SCN3A: variants seen among roughly 807,000 people sequenced by gnomAD.
The protein encoded by SCN3A is sodium voltage-gated channel alpha subunit 3, also known as sodium channel protein type 3 subunit alpha.
Under a neutral mutation model 187.6 loss-of-function variants are expected in SCN3A, and 60 were observed. The observed-to-expected ratio is 0.32, with a 90% CI of 0.26 to 0.40. The LOEUF is 0.40. Among genes scored for constraint, SCN3A ranks in the 10% least tolerant of loss-of-function variants. SCN3A has a pLI of 1.00. For missense variants in SCN3A, 1,601 were observed against 2,428.2 expected (o/e 0.66, Z 7.16); for synonymous variants, 788 against 829.2 (o/e 0.95, Z 0.85).
chr2:165,178,881 A>C (rs1690649328), intron 2 of SCN3A, among the ~76,000 whole-genome samples: 1 of 152,232 alleles, frequency 6.6e-6, no homozygotes, highest in South Asian at 2.1e-4. Context: ...TCTTATGTCA[A>C]TTTTGATGAT....
chr2:165,162,696 T>G lies in SCN3A; in HGVS notation c.827A>C (p.Lys276Thr). Reference sequence around the variant, plus strand: ...ATCGCTTGGGGGCCACTGCAAACATTTATTCCTCAGATTGCCCATGAACAG... The same window carrying G: ...ATCGCTTGGGGGCCACTGCAAACATGTATTCCTCAGATTGCCCATGAACAG... ...LQLFMGNLRNKCLQWPPSDSA... is the reference protein window; with the variant it reads ...LQLFMGNLRNTCLQWPPSDSA... The change falls in exon 8 of 28, where the codon AAA (lysine) becomes ACA (threonine). Residue 276 changes from lysine (K) to threonine (T), a missense_variant. Around this residue, in one of 11 missense-constraint regions of SCN3A, gnomAD observed 104 missense variants for 102.7 expected, o/e 1.01. Coordinates refer to ENST00000283254, the MANE Select transcript of SCN3A (RefSeq NM_006922.4). 6.2e-7 allele frequency: 1 copy of G among 1,614,152 alleles called. No homozygotes were observed. Among genetic ancestry groups the G allele is most frequent in the Non-Finnish European group, 8.5e-7 (1 of 1,180,004 alleles).
chr2:165,092,591 G>A lies in SCN3A; in HGVS notation c.4537-67C>T, dbSNP rs1290561098. On this transcript the variant is annotated intron_variant, in intron 26 of 27. Transcript: ENST00000283254. The surrounding 1 kb of genome is among the most constrained non-coding windows in gnomAD (Gnocchi z 4.2). ...TCATAAAGAATAATGCAGTAAAATT[G>A]TAGATAAAGCCCTTCCACATACGGG... 2.0e-6 allele frequency: 3 copies of A among 1,467,044 alleles called. No individual in the cohort carries two copies. Among genetic ancestry groups the A allele is most frequent in the African/African-American group, 2.8e-5 (2 of 71,330 alleles). The allele number at this position is 1,467,044 out of a possible 1,614,324, so 90.9% of individuals were successfully genotyped here.
chr2:165,104,267 A>G (rs1362071852), intron 21 of SCN3A, among the ~76,000 whole-genome samples: 1 of 152,062 alleles, frequency 6.6e-6, no homozygotes, highest in Non-Finnish European at 1.5e-5. Context: ...ATATACAGTA[A>G]TTAAAGCTGT....
intron 18 of SCN3A, among the ~76,000 whole-genome samples, chr2:165,117,203 A>G (rs913832924): frequency 6.6e-6 from 1 of 151,982 alleles, no homozygotes; most frequent in Non-Finnish European, 1.5e-5. Context: ...GTTAATTACT[A>G]TGGCTTTTGA....
At chr2:165,103,478 G>C (rs563777497) in intron 21 of SCN3A, among the ~76,000 whole-genome samples, 13 of 152,262 alleles carry the variant, frequency 8.5e-5, no homozygotes, top group South Asian at 4.1e-4. Context: ...GCCAATGTGT[G>C]CAAAGTATGA....
In SCN3A at chr2:165,162,674, G is replaced by C. The variant is rs747954941; in HGVS notation, c.849C>G (p.Ser283Arg). ...TGGTGTTGGTTTCAAAAGCAGAATC[G>C]CTTGGGGGCCACTGCAAACATTTAT... ...LRNKCLQWPP[S>R]DSAFETNTTS... is the part of the protein sequence containing the mutation. The change falls in exon 8 of 28, where the codon AGC becomes AGG. Residue 283 changes from serine (S) to arginine (R), a missense_variant. This residue lies in a region of SCN3A where 104 missense variants were observed against 102.7 expected (regional missense o/e 1.01). Transcript: ENST00000283254. The C allele has an allele frequency of 1.9e-5, 31 of 1,614,012 alleles. No individual in the cohort carries two copies. Among genetic ancestry groups the C allele is most frequent in the Middle Eastern group, 3.3e-4 (2 of 6,084 alleles).
chr2:165,146,713 C>T, intron 12 of SCN3A, 26 bp downstream of exon 12: 1 of 1,613,328 alleles, frequency 6.2e-7, no homozygotes, highest in Non-Finnish European at 8.5e-7. Context: ...GACAAAGAAA[C>T]CAGAGCACTT....
chr2:165,094,462 A>G lies in SCN3A; in HGVS notation c.4448T>C (p.Ile1483Thr). Residue 1483 changes from isoleucine to threonine, a missense_variant, in exon 26 of 28, where the codon ATC becomes ACC. Physicochemically the swap from Ile to Thr is moderately conservative, Grantham distance 89. This residue lies in a region of SCN3A where 320 missense variants were observed against 623.2 expected (regional missense o/e 0.51). Transcript: ENST00000283254. ...QQKKKFGGQD[I>T]FMTEEQKKYY... Reference sequence around the variant, plus strand: ...TTTTTTCTGTTCCTCTGTCATAAAGATGTCTTGACCTCCAAAGTAAAGACA... The same window carrying G: ...TTTTTTCTGTTCCTCTGTCATAAAGGTGTCTTGACCTCCAAAGTAAAGACA... The G allele has an allele frequency of 6.2e-7, 1 of 1,612,726 alleles. No homozygotes were observed. Among genetic ancestry groups the G allele is most frequent in the Non-Finnish European group, 8.5e-7 (1 of 1,178,864 alleles).
Position 165,092,647 on chromosome 2 carries a change from A to G in SCN3A, c.4537-123T>C. 2.3e-6 allele frequency: 2 copies of G among 871,544 alleles called. No homozygotes were observed. The highest frequency in any genetic ancestry group is 2.7e-4 in the Middle Eastern group (1 of 3,732). 54.0% of individuals were successfully genotyped at this position (871,544 alleles called of 1,614,324 possible). A position where few individuals can be genotyped will look rare whatever the true frequency, so the allele number is the denominator to read the frequency against. The stretch of plus-strand genomic sequence containing the variant: ...TGTGCACCCTCCTCATATTACCCCA[A>G]ACAATTTTGTGTGCTTTTTTTCTCT... On this transcript the variant is annotated intron_variant, in intron 26 of 27. Coordinates refer to ENST00000283254, the MANE Select transcript of SCN3A (RefSeq NM_006922.4). This position sits in a 1 kb window ranked among gnomAD's most constrained non-coding sequence, Gnocchi z 4.2.
intron 4 of SCN3A, among the ~76,000 whole-genome samples, chr2:165,169,269 T>G (rs879299367): frequency 5.3e-5 from 8 of 151,992 alleles, no homozygotes; most frequent in Admixed American, 2.0e-4. Context: ...AAGATTACAT[T>G]GATTGAGAAT....
chr2:165,157,492 A>C (rs1689131049), intron 9 of SCN3A, among the ~76,000 whole-genome samples: 1 of 152,196 alleles, frequency 6.6e-6, no homozygotes, highest in African/African-American at 2.4e-5. Context: ...ACATCACATC[A>C]TGCCAAGGGT....
rs114424052 is a variant in SCN3A at position 165,091,941 on chromosome 2, A to G, written c.4807+313T>C. 3.3e-3 allele frequency: 1,383 copies of G among 415,758 alleles called. 12 individuals carry two copies. The highest frequency in any genetic ancestry group is 0.026 in the African/African-American group (1,259 of 49,340). 25.8% of individuals were successfully genotyped at this position (415,758 alleles called of 1,614,324 possible). A position where few individuals can be genotyped will look rare whatever the true frequency, so the allele number is the denominator to read the frequency against. On this transcript the variant is annotated intron_variant, in intron 27 of 27. Transcript: ENST00000283254. Reference sequence around the variant, plus strand: ...TACAATACCAACTTTATTGCATTACAATGATTTGTTTTTTAAGCCATCTGC... The same window carrying G: ...TACAATACCAACTTTATTGCATTACGATGATTTGTTTTTTAAGCCATCTGC...
At chr2:165,160,335 G>A (rs913213074) in intron 9 of SCN3A, among the ~76,000 whole-genome samples, 1 of 152,098 alleles carries the variant, frequency 6.6e-6, no homozygotes, top group African/African-American at 2.4e-5. Context: ...CACAATAAAT[G>A]TAACGTGCTT....
chr2:165,102,038 T>G (rs1685629582), intron 21 of SCN3A, among the ~76,000 whole-genome samples: 1 of 152,244 alleles, frequency 6.6e-6, no homozygotes, highest in African/African-American at 2.4e-5. Flanking sequence ...ACACACAGGC[T>G]TCTATGTTCT....
intron 25 of SCN3A, 145 bp from the exon 26 acceptor site, chr2:165,094,623 G>T (rs1054396043): frequency 6.2e-6 from 4 of 645,744 alleles, no homozygotes; most frequent in Non-Finnish European, 1.1e-5. Flanking sequence ...TCCCATTTAT[G>T]TGAAATTCTG....
rs1343790259 is a variant in SCN3A at position 165,127,033 on chromosome 2, A to G, written c.3393+598T>C. Among the ~76,000 whole-genome samples, 2 of 152,186 alleles carry G rather than the reference A, an allele frequency of 1.3e-5. 1 individual carries two copies. Among genetic ancestry groups the G allele is most frequent in the African/African-American group, 4.8e-5 (2 of 41,438 alleles). On this transcript the variant is annotated intron_variant, in intron 18 of 27. Transcript: ENST00000283254. Reference sequence around the variant, plus strand: ...AAGAACATAATGTAGTTGAGAGTGTAATGTACTAAATAACATCTCTTTTTT... The same window carrying G: ...AAGAACATAATGTAGTTGAGAGTGTGATGTACTAAATAACATCTCTTTTTT...
intron 2 of SCN3A, among the ~76,000 whole-genome samples, chr2:165,186,279 A>G (rs995246114): frequency 6.6e-6 from 1 of 151,796 alleles, no homozygotes; most frequent in Non-Finnish European, 1.5e-5. Context: ...CAAAACAACA[A>G]CAACAACAAC....
chr2:165,111,484 T>TACACACAC (rs60417556), intron 21 of SCN3A, among the ~76,000 whole-genome samples: 7 of 142,620 alleles, frequency 4.9e-5, no homozygotes, highest in East Asian at 4.3e-4. Context: ...GCCAGTCTGA[T>TACACACAC]ACACACACAC....
intron 2 of SCN3A, among the ~76,000 whole-genome samples, chr2:165,178,295 C>T (rs1232804891): frequency 6.6e-6 from 1 of 152,070 alleles, no homozygotes; most frequent in Admixed American, 6.5e-5. Context: ...GGCACAATCA[C>T]GGCTCACTGC....
Sources: gnomAD v4.1 joint callset for allele counts (sites outside exome capture counted in the v4.1 genomes callset) on GRCh38, gnomAD v4.1.1 for gene constraint, gnomAD v4.1.1 regional missense constraint, Gnocchi (gnomAD v3.1) non-coding constraint, MANE v1.5 for transcripts, NCBI Gene and HGNC (gene_info 2026-07-23, HGNC 2026-07-21) for gene names.